GPC6: variants seen among roughly 807,000 people sequenced by gnomAD.
The protein encoded by GPC6 is glypican-6.
In GPC6, 14 loss-of-function variants were observed where a neutral mutation model predicts 55.2. That is an observed-to-expected ratio of 0.25 (90% CI 0.17 to 0.40). The LOEUF (loss-of-function observed/expected upper bound fraction) is 0.40. GPC6 is among the 10% of genes least tolerant of loss of function. The probability of loss-of-function intolerance (pLI) is 1.00; values close to 1 mark genes in which losing one functional copy is unlikely to be tolerated. For missense variants in GPC6, 641 were observed against 708.5 expected (o/e 0.90, Z 1.08); for synonymous variants, 278 against 259.6 (o/e 1.07, Z -0.68).
chr13:93,391,269 A>G (rs1875623357), intron 1 of GPC6, among the ~76,000 whole-genome samples: 1 of 152,220 alleles, frequency 6.6e-6, no homozygotes, highest in Non-Finnish European at 1.5e-5. Flanking sequence ...CTTCTAAGCC[A>G]TAACTTTAGT....
intron 6 of GPC6, among the ~76,000 whole-genome samples, chr13:94,329,604 G>C (rs575870912): frequency 6.6e-6 from 1 of 152,284 alleles, no homozygotes; most frequent in African/African-American, 2.4e-5. Context: ...TGAAAACTGT[G>C]GTTGAACAAT....
At chr13:93,625,028 C>T (rs992279964) in intron 2 of GPC6, among the ~76,000 whole-genome samples, 1 of 152,072 alleles carries the variant, frequency 6.6e-6, no homozygotes, top group Non-Finnish European at 1.5e-5. Flanking sequence ...GTTAAAATAC[C>T]TTATGCTTAC....
chr13:94,356,366 A>G (rs1482775577), intron 6 of GPC6, among the ~76,000 whole-genome samples: 1 of 152,214 alleles, frequency 6.6e-6, no homozygotes, highest in African/African-American at 2.4e-5. Context: ...AGGAATCACC[A>G]CACTCTCTTC....
chr13:93,573,496 T>G (rs1213431937), intron 2 of GPC6, among the ~76,000 whole-genome samples: 1 of 152,096 alleles, frequency 6.6e-6, no homozygotes, highest in Admixed American at 6.6e-5. Context: ...AAGTTTAAAT[T>G]TTATTTTAAT....
At chr13:93,944,206 A>T (rs370120763) in intron 3 of GPC6, among the ~76,000 whole-genome samples, 3 of 67,314 alleles carry the variant, frequency 4.5e-5, no homozygotes, top group African/African-American at 1.7e-4. Context: ...TTATTTATTT[A>T]TTTATTTATT....
chr13:93,405,810 A>G (rs1876269442), intron 1 of GPC6, among the ~76,000 whole-genome samples: 1 of 152,216 alleles, frequency 6.6e-6, no homozygotes, highest in Non-Finnish European at 1.5e-5. Flanking sequence ...CTTTTGAAAC[A>G]TCACACATTT....
At chr13:93,877,881 A>G (rs1021507171) in intron 3 of GPC6, among the ~76,000 whole-genome samples, 3 of 152,192 alleles carry the variant, frequency 2.0e-5, no homozygotes, top group Non-Finnish European at 4.4e-5. Context: ...GTTGATACTC[A>G]TAAATGACTA....
intron 2 of GPC6, among the ~76,000 whole-genome samples, chr13:93,797,618 T>G (rs9561448): frequency 0.33 from 50,090 of 152,014 alleles, 8,657 homozygotes; most frequent in African/African-American, 0.43. Context: ...CATTATTACT[T>G]ACAGAGGAGC....
chr13:93,896,930 A>G (rs1205216349), intron 3 of GPC6, among the ~76,000 whole-genome samples: 1 of 151,726 alleles, frequency 6.6e-6, no homozygotes, highest in Non-Finnish European at 1.5e-5. Flanking sequence ...CTCATAATCA[A>G]CTATTGAGAC....
At chr13:94,147,460 C>G (rs1593986153) in intron 4 of GPC6, among the ~76,000 whole-genome samples, 1 of 152,168 alleles carries the variant, frequency 6.6e-6, no homozygotes. Context: ...TGCTCTAAGC[C>G]TCCATTTTCT....
chr13:93,833,107 T>TAGAGAGAGAGAG (rs367949345), intron 3 of GPC6, among the ~76,000 whole-genome samples: 41 of 109,066 alleles, frequency 3.8e-4, no homozygotes, highest in Admixed American at 1.4e-3. Flanking sequence ...AGGTAGATGA[T>TAGAGAGAGAGAG]AGAGAGAGAG....
chr13:93,520,717 T>C (rs1881382057), intron 1 of GPC6, among the ~76,000 whole-genome samples: 1 of 151,948 alleles, frequency 6.6e-6, no homozygotes, highest in South Asian at 2.1e-4. Flanking sequence ...GAAAACATAA[T>C]AAATTTGGAC....
chr13:94,146,228 C>A (rs1332031358), intron 4 of GPC6, among the ~76,000 whole-genome samples: 2 of 152,012 alleles, frequency 1.3e-5, no homozygotes, highest in African/African-American at 4.8e-5. Flanking sequence ...CAGCAGGGTG[C>A]CTGGTGCATT....
intron 2 of GPC6, among the ~76,000 whole-genome samples, chr13:93,700,846 GAAGAGAGGAGGGA>G (rs1566493807): frequency 3.9e-5 from 6 of 152,200 alleles, no homozygotes; most frequent in Non-Finnish European, 5.9e-5. Context: ...CATTTACTTG[GAAGAGAGGAGGGA>G]AGGTCAAGAT....
At chr13:94,275,866 C>T (rs1892186843) in intron 4 of GPC6, among the ~76,000 whole-genome samples, 1 of 151,988 alleles carries the variant, frequency 6.6e-6, no homozygotes, top group African/African-American at 2.4e-5. Context: ...TCAGGGTAGA[C>T]CCACACTGAG....
chr13:94,121,699 A>G (rs994794742), intron 4 of GPC6, among the ~76,000 whole-genome samples: 1 of 152,172 alleles, frequency 6.6e-6, no homozygotes, highest in Non-Finnish European at 1.5e-5. Flanking sequence ...AGATATTTGT[A>G]ACTATCCAGT....
intron 2 of GPC6, among the ~76,000 whole-genome samples, chr13:93,578,580 T>C (rs893190487): frequency 5.9e-5 from 9 of 151,808 alleles, no homozygotes; most frequent in Non-Finnish European, 1.3e-4. Context: ...GGTCTTTTTT[T>C]CTTAGTCTAG....
At chr13:93,896,804 A>G (rs1202844632) in intron 3 of GPC6, among the ~76,000 whole-genome samples, 1 of 152,032 alleles carries the variant, frequency 6.6e-6, no homozygotes, top group African/African-American at 2.4e-5. Context: ...TTTTAAATCA[A>G]CAGAAAAACT....
At chr13:93,545,109 A>T (rs745994279) in intron 1 of GPC6, among the ~76,000 whole-genome samples, 154 bp from the exon 2 acceptor site, 2 of 152,204 alleles carry the variant, frequency 1.3e-5, no homozygotes, top group Non-Finnish European at 2.9e-5. Flanking sequence ...AGATACACTG[A>T]TGTGCTGTGG....
Sources: gnomAD v4.1 joint callset for allele counts (sites outside exome capture counted in the v4.1 genomes callset) on GRCh38, gnomAD v4.1.1 for gene constraint, MANE v1.5 for transcripts, NCBI Gene and HGNC (gene_info 2026-07-23, HGNC 2026-07-21) for gene names.